The following CFAP20DC variants were observed in gnomAD, a reference collection of about 807,000 sequenced individuals.
CFAP20DC encodes protein CFAP20DC.
In CFAP20DC, 84 loss-of-function variants were observed where a neutral mutation model predicts 101.7. That is an observed-to-expected ratio of 0.83 (90% CI 0.69 to 0.99). The LOEUF is 0.99. CFAP20DC is among the 50% of genes least tolerant of loss of function. CFAP20DC has a pLI of 0.00. For missense variants in CFAP20DC, 1,007 were observed against 970.3 expected, an observed-to-expected ratio of 1.04 and a Z score of -0.50; for synonymous variants, 359 against 351.2, an observed-to-expected ratio of 1.02 and a Z score of -0.25.
At chr3:59,035,994 A>G (rs2094095236) in intron 4 of CFAP20DC, among the ~76,000 whole-genome samples, 1 of 152,216 alleles carries the variant, frequency 6.6e-6, no homozygotes, top group African/African-American at 2.4e-5. Context: ...AGGCTGGTTC[A>G]ACATACGCAA....
At chr3:58,748,333 G>A (rs1216529895) in intron 16 of CFAP20DC, among the ~76,000 whole-genome samples, 1 of 152,192 alleles carries the variant, frequency 6.6e-6, no homozygotes, top group Non-Finnish European at 1.5e-5. Flanking sequence ...AGCAAGGAAA[G>A]CTGGGACCAG....
At chr3:58,936,784 G>T (rs2087710817) in intron 5 of CFAP20DC, among the ~76,000 whole-genome samples, 1 of 152,104 alleles carries the variant, frequency 6.6e-6, no homozygotes, top group African/African-American at 2.4e-5. Flanking sequence ...TGGGGTTAGG[G>T]GACGGGGAGG....
At chr3:58,966,424 C>A (rs893591851) in intron 4 of CFAP20DC, among the ~76,000 whole-genome samples, 2 of 150,826 alleles carry the variant, frequency 1.3e-5, no homozygotes, top group Non-Finnish European at 3.0e-5. Context: ...AAAAGAAGTG[C>A]AAAACATATA....
chr3:59,028,638 C>A (rs1438241340), intron 4 of CFAP20DC, among the ~76,000 whole-genome samples: 1 of 152,184 alleles, frequency 6.6e-6, no homozygotes, highest in East Asian at 1.9e-4. Context: ...ATTCAGGCTA[C>A]ATGTTTGAAT....
At position 58,861,300 on chromosome 3, in the gene CFAP20DC, C is replaced by T; in HGVS notation, c.1593+2258G>A. 1.4e-5 allele frequency: 10 copies of T among 691,366 alleles called. No individual in the cohort carries two copies. The highest frequency in any genetic ancestry group is 1.8e-5 in the Non-Finnish European group (10 of 561,994). 42.8% of individuals were successfully genotyped at this position (691,366 alleles called of 1,614,324 possible). ...AATAATATAATTGTTATTCACTTGT[C>T]CACCATTATTTACAACTTGACATTA... On this transcript the variant is annotated intron_variant, in intron 12 of 16. Coordinates refer to ENST00000482387, the MANE Select transcript of CFAP20DC (RefSeq NM_001394063.1). This position sits in a 1 kb window ranked among gnomAD's most constrained non-coding sequence, Gnocchi z 4.0.
intron 4 of CFAP20DC, among the ~76,000 whole-genome samples, chr3:58,999,372 T>C (rs1306716363): frequency 2.6e-5 from 4 of 151,948 alleles, no homozygotes; most frequent in Non-Finnish European, 5.9e-5. Context: ...GGAGCTAAGA[T>C]AGGGTGGGGA....
chr3:58,951,640 A>G (rs976018201), intron 4 of CFAP20DC, among the ~76,000 whole-genome samples: 18 of 152,290 alleles, frequency 1.2e-4, no homozygotes, highest in Non-Finnish European at 1.6e-4. Context: ...CATCATTCTC[A>G]GCAAACTATT....
chr3:58,867,722 G>A, intron 10 of CFAP20DC, 95 bp downstream of exon 10: 1 of 1,387,768 alleles, frequency 7.2e-7, no homozygotes, highest in Non-Finnish European at 1.0e-6. Flanking sequence ...TAAATGGATT[G>A]GTTCATAATC....
At position 59,033,610 on chromosome 3, in the gene CFAP20DC, G is replaced by A. The variant is rs527360908; in HGVS notation, c.278+5947C>T. 2.6e-3 allele frequency among the ~76,000 whole-genome samples: 395 copies of A among 152,032 alleles called. 1 individual carries two copies. The highest frequency in any genetic ancestry group is 9.1e-3 in the African/African-American group (378 of 41,440). ...AAAAGAAAGGATATCAGAGATTGAA[G>A]ATCAACTTAAGGAAATAAAGGGTGA... On this transcript the variant is annotated intron_variant, in intron 4 of 16. Transcript: ENST00000482387.
chr3:59,031,164 TGGCTA>T lies in CFAP20DC; in HGVS notation c.278+8388_278+8392del, dbSNP rs530360067. Among the ~76,000 whole-genome samples the T allele has an allele frequency of 4.8e-3, 738 of 152,294 alleles. 3 individuals carry two copies. Among genetic ancestry groups the T allele is most frequent in the African/African-American group, 0.017 (707 of 41,564 alleles). Reference sequence around the variant, plus strand: ...AATTAGTTAAGACAGTCTATTGCCTTGGCTAAAGTAATAAGCTCTAGTGTTTGGGG... The same window carrying T: ...AATTAGTTAAGACAGTCTATTGCCTTAAGTAATAAGCTCTAGTGTTTGGGG... On this transcript the variant is annotated intron_variant, in intron 4 of 16. Coordinates refer to ENST00000482387, the MANE Select transcript of CFAP20DC (RefSeq NM_001394063.1).
chr3:58,982,564 G>C (rs537211568), intron 4 of CFAP20DC, among the ~76,000 whole-genome samples: 2 of 151,884 alleles, frequency 1.3e-5, no homozygotes, highest in Non-Finnish European at 2.9e-5. Context: ...TAGGGACATG[G>C]ATGAAACTGG....
At chr3:58,950,359 C>A (rs1363673223) in intron 4 of CFAP20DC, among the ~76,000 whole-genome samples, 1 of 152,102 alleles carries the variant, frequency 6.6e-6, no homozygotes, top group African/African-American at 2.4e-5. Flanking sequence ...ATATTCAATG[C>A]CAACCCCATC....
At chr3:58,771,037 G>A (rs1356367186) in intron 15 of CFAP20DC, among the ~76,000 whole-genome samples, 2 of 152,172 alleles carry the variant, frequency 1.3e-5, no homozygotes, top group Non-Finnish European at 2.9e-5. Context: ...TTAAGAAAAT[G>A]TGGCACATAT....
intron 4 of CFAP20DC, among the ~76,000 whole-genome samples, chr3:58,999,843 T>TAAAAAAAAAA: frequency 1.3e-5 from 1 of 76,762 alleles, no homozygotes; most frequent in Non-Finnish European, 2.8e-5. Flanking sequence ...GTCACTAATG[T>TAAAAAAAAAA]AAAAAAAAAA....
chr3:58,873,721 T>C (rs891811240), intron 7 of CFAP20DC, among the ~76,000 whole-genome samples: 3 of 152,028 alleles, frequency 2.0e-5, no homozygotes, highest in Non-Finnish European at 2.9e-5. Context: ...TGGATAGCTA[T>C]TCTGGATGCA....
In CFAP20DC at chr3:58,722,462, G is replaced by A. The variant is rs1480660192; in HGVS notation, c.198-4834C>T. Among the ~76,000 whole-genome samples, 1 of 152,098 alleles carries A rather than the reference G, an allele frequency of 6.6e-6. No homozygotes were observed. Among genetic ancestry groups the A allele is most frequent in the Non-Finnish European group, 1.5e-5 (1 of 68,022 alleles). On this transcript the variant is annotated intron_variant, in intron 3 of 3. Coordinates refer to the CFAP20DC transcript ENST00000486145. The surrounding 1 kb of genome is among the most constrained non-coding windows in gnomAD (Gnocchi z 4.5). ...AGAGCAGCAGGGTGGCAACTGAGTC[G>A]GTTACAATCATCTGAACTATCATCA...
At chr3:58,973,019 A>G (rs2092040798) in intron 4 of CFAP20DC, among the ~76,000 whole-genome samples, 1 of 151,920 alleles carries the variant, frequency 6.6e-6, no homozygotes, top group Non-Finnish European at 1.5e-5. Flanking sequence ...GGGATGAATT[A>G]AAATATGCAT....
At chr3:58,963,696 T>C (rs1168859163) in intron 4 of CFAP20DC, among the ~76,000 whole-genome samples, 1 of 152,124 alleles carries the variant, frequency 6.6e-6, no homozygotes, top group Non-Finnish European at 1.5e-5. Flanking sequence ...TTGGAAAATC[T>C]GGAAAACATG....
intron 5 of CFAP20DC, among the ~76,000 whole-genome samples, chr3:58,934,198 T>C (rs2087172944): frequency 6.6e-6 from 1 of 152,144 alleles, no homozygotes; most frequent in African/African-American, 2.4e-5. Flanking sequence ...CCTCGACACA[T>C]ACACCCTCCC....
Sources: allele counts gnomAD v4.1 joint callset (sites outside exome capture counted in the v4.1 genomes callset), GRCh38; gene constraint gnomAD v4.1.1; non-coding constraint Gnocchi (gnomAD v3.1); transcripts MANE v1.5; gene names NCBI Gene and HGNC (gene_info 2026-07-23, HGNC 2026-07-21).